The following RGS3 variants were observed in gnomAD, a reference collection of about 807,000 sequenced individuals.
RGS3 encodes regulator of G-protein signalling 3.
RGS3 carries 80 observed loss-of-function variants against 132.6 expected under a neutral mutation model. The ratio of observed to expected loss-of-function variants is 0.60; its 90% CI spans 0.50 to 0.73. RGS3 has a LOEUF of 0.73. RGS3 is among the 30% of genes least tolerant of loss of function. The pLI is 0.00. For synonymous variants in RGS3, 598 were observed against 620.6 expected (o/e 0.96, Z 0.54); for missense variants, 1,382 against 1,530.8 (o/e 0.90, Z 1.62).
intron 18 of RGS3, among the ~76,000 whole-genome samples, chr9:113,533,813 T>G (rs1170551050): frequency 6.6e-6 from 1 of 152,164 alleles, no homozygotes; most frequent in Non-Finnish European, 1.5e-5. Context: ...GGCCTTCTGG[T>G]CAGCATCTGC....
chr9:113,578,939 G>C (rs1046901032), intron 19 of RGS3, among the ~76,000 whole-genome samples: 2 of 152,150 alleles, frequency 1.3e-5, no homozygotes, highest in African/African-American at 4.8e-5. Context: ...CTTGGAGTGG[G>C]GTAGCTTGGG....
chr9:113,551,147 A>C (rs1448398590), intron 19 of RGS3, among the ~76,000 whole-genome samples: 1 of 152,172 alleles, frequency 6.6e-6, no homozygotes, highest in Non-Finnish European at 1.5e-5. Flanking sequence ...CTCCAACCCT[A>C]AGCGACCACT....
rs141479478 is a variant in RGS3, at chr9:113,567,851, G to A, written c.2038-15599G>A. Among the ~76,000 whole-genome samples, 458 of 152,332 alleles carry A rather than the reference G, an allele frequency of 3.0e-3. 2 individuals carry two copies. Among genetic ancestry groups the A allele is most frequent in the African/African-American group, 0.011 (440 of 41,586 alleles). On this transcript the variant is annotated intron_variant, in intron 19 of 24. Coordinates refer to ENST00000350696, the Ensembl canonical transcript of RGS3. ...GGATGGTGCCAACCAGAGTAGGTCTGGGGTTATTGATCCTCAAGCCAGTGG... is the reference window on the plus strand; with the variant it reads ...GGATGGTGCCAACCAGAGTAGGTCTAGGGTTATTGATCCTCAAGCCAGTGG...
intron 19 of RGS3, among the ~76,000 whole-genome samples, chr9:113,562,432 G>A (rs924911570): frequency 2.0e-5 from 3 of 149,108 alleles, no homozygotes; most frequent in East Asian, 2.0e-4. Context: ...AGCCAAGATC[G>A]TGCCACTGCA....
At position 113,447,329 on chromosome 9, in the gene RGS3, G is replaced by GTATATATGTATATATATATATATA. The variant is rs1305095004; in HGVS notation, c.-13+2409_-13+2410insGTATATATATATATATATATATAT. Among the ~76,000 whole-genome samples, 249 of 27,466 alleles carry GTATATATGTATATATATATATATA rather than the reference G, an allele frequency of 9.1e-3. 11 individuals are homozygous for GTATATATGTATATATATATATATA. Among genetic ancestry groups the GTATATATGTATATATATATATATA allele is most frequent in the East Asian group, 0.015 (4 of 264 alleles). The allele number at this position is 27,466 out of a possible 152,430, so 18.0% of individuals were successfully genotyped here. ...CCAATAAATTCTGATGTATGTATATGTATATATATATATATATATATATAT... is the reference window on the plus strand; with the variant it reads ...CCAATAAATTCTGATGTATGTATATGTATATATGTATATATATATATATATATATATATATATATATATATATAT... On this transcript the variant is annotated intron_variant, in intron 1 of 25. Transcript: ENST00000374140.
In RGS3 at chr9:113,507,202, A is replaced by G. The variant is rs1388625705; in HGVS notation, c.1086-85A>G. On this transcript the variant is annotated intron_variant, in intron 12 of 24. Transcript: ENST00000350696. This position sits in a 1 kb window ranked among gnomAD's most constrained non-coding sequence, Gnocchi z 5.0. ...GGTGTCTGCCTCCTCTTCCCCCATT[A>G]TCCTCTCTGCCCTGTGGGCCCTCAC... is the stretch of plus-strand genomic sequence containing the variant. 1.3e-5 allele frequency: 14 copies of G among 1,103,560 alleles called. No homozygotes were observed. Among genetic ancestry groups the G allele is most frequent in the Middle Eastern group, 4.7e-4 (2 of 4,246 alleles). The allele number at this position is 1,103,560 out of a possible 1,614,324, so 68.4% of individuals were successfully genotyped here. A position where few individuals can be genotyped will look rare whatever the true frequency, so the allele number is the denominator to read the frequency against.
At chr9:113,583,667 C>A (rs1372846878) in exon 20 of RGS3, 3 of 1,614,054 alleles carry the variant, frequency 1.9e-6, no homozygotes, top group Non-Finnish European at 2.5e-6. Flanking sequence ...TCTGAAGGAT[C>A]CCCTCCAGGC....
intron 8 of RGS3, among the ~76,000 whole-genome samples, chr9:113,496,723 G>A (rs1293451907): frequency 1.3e-5 from 2 of 152,034 alleles, no homozygotes; most frequent in Non-Finnish European, 2.9e-5. Context: ...GCTAATTTTT[G>A]TATTTTTAGT....
chr9:113,471,445 T>C (rs531055006), intron 3 of RGS3, among the ~76,000 whole-genome samples: 2 of 152,322 alleles, frequency 1.3e-5, no homozygotes, highest in African/African-American at 4.8e-5. Context: ...CTCCTCTCTC[T>C]CTTGTTGTTT....
intron 18 of RGS3, 97 bp downstream of exon 16, chr9:113,529,361 C>A: frequency 9.5e-7 from 1 of 1,050,506 alleles, no homozygotes; most frequent in Non-Finnish European, 1.5e-6. Flanking sequence ...CTGATGCCAG[C>A]CTCCATACCC....
chr9:113,573,115 T>C (rs545682600), intron 19 of RGS3, among the ~76,000 whole-genome samples: 26 of 152,308 alleles, frequency 1.7e-4, no homozygotes, highest in Non-Finnish European at 3.5e-4. Context: ...CACATTGCCA[T>C]TTTACAGATG....
At position 113,506,608 on chromosome 9, in the gene RGS3, T is replaced by C. The variant is rs1008829243; in HGVS notation, c.1085+115T>C. 4 of 672,044 alleles carry C rather than the reference T, an allele frequency of 6.0e-6. No individual in the cohort carries two copies. In the African/African-American group the frequency reaches 7.2e-5, roughly 12 times the overall value. The allele number at this position is 672,044 out of a possible 1,614,324, so 41.6% of individuals were successfully genotyped here. On this transcript the variant is annotated intron_variant, in intron 12 of 24. Transcript: ENST00000350696. The surrounding 1 kb of genome is among the most constrained non-coding windows in gnomAD (Gnocchi z 4.7). ...TGCTGCTCCCTCTTTTGCCTAGCTG[T>C]GAGCAGGCAATTCCTTTTGCTCTTC...
chr9:113,592,681 T>C (rs1299683726), intron 21 of RGS3: 1 of 151,750 alleles, frequency 6.6e-6, no homozygotes, highest in African/African-American at 2.4e-5. Context: ...GAGATGGGGG[T>C]TTTGCCATGT....
At chr9:113,597,379 T>G (rs1014611510) in exon 25 of RGS3, 1 of 157,762 alleles carries the variant, frequency 6.3e-6, no homozygotes, top group Non-Finnish European at 1.4e-5. Context: ...TGAGTTTTAT[T>G]TATTTAAATA....
intron 17 of RGS3, among the ~76,000 whole-genome samples, chr9:113,524,943 G>C (rs1487933951): frequency 1.3e-5 from 2 of 152,160 alleles, no homozygotes; most frequent in Non-Finnish European, 2.9e-5. Flanking sequence ...GGGGCCTTGG[G>C]GTGTCACAGA....
chr9:113,505,483 CT>C lies in RGS3; in HGVS notation c.940del (p.Cys314AlafsTer31). 6.2e-7 allele frequency: 1 copy of C among 1,614,172 alleles called. No individual in the cohort carries two copies. The highest frequency in any genetic ancestry group is 8.5e-7 in the Non-Finnish European group (1 of 1,180,008). The stretch of plus-strand genomic sequence containing the variant: ...GAAAGGACGGCTTTGGCTTCACCAT[CT>C]GCTGCGACTCTCCAGTTCGAGTCCA... On this transcript the variant is annotated frameshift_variant, in exon 11 of 25. Coordinates refer to ENST00000350696, the Ensembl canonical transcript of RGS3. LOFTEE classifies it high-confidence loss of function.
intron 20 of RGS3, among the ~76,000 whole-genome samples, chr9:113,586,916 C>A (rs77714393): frequency 1.3e-5 from 2 of 152,164 alleles, no homozygotes; most frequent in African/African-American, 4.8e-5. Context: ...CAGTACCTGG[C>A]GCTCAGCACC....
chr9:113,537,551 C>T lies in RGS3; in HGVS notation c.2037+633C>T, dbSNP rs529377252. Among the ~76,000 whole-genome samples the T allele has an allele frequency of 2.0e-5, 3 of 152,288 alleles. No homozygotes were observed. Among genetic ancestry groups the T allele is most frequent in the South Asian group, 2.1e-4 (1 of 4,822 alleles). On this transcript the variant is annotated intron_variant, in intron 19 of 24. Coordinates refer to ENST00000350696, the Ensembl canonical transcript of RGS3. This position sits in a 1 kb window ranked among gnomAD's most constrained non-coding sequence, Gnocchi z 4.3. ...CACACAGCCTTCCCCTTTGACACTC[C>T]GATGCCAGCCACAAAGTACAGTTAT...
chr9:113,525,938 T>G (rs1254798048), intron 17 of RGS3, among the ~76,000 whole-genome samples: 2 of 152,200 alleles, frequency 1.3e-5, no homozygotes, highest in Non-Finnish European at 2.9e-5. Flanking sequence ...CACTTAAATC[T>G]TGTCTGGCCC....
Sources: allele counts gnomAD v4.1 joint callset (sites outside exome capture counted in the v4.1 genomes callset), GRCh38; gene constraint gnomAD v4.1.1; non-coding constraint Gnocchi (gnomAD v3.1); transcripts MANE v1.5; gene names NCBI Gene and HGNC (gene_info 2026-07-23, HGNC 2026-07-21).